Variants in NFU1 observed in about 807,000 individuals in gnomAD.
NFU1 encodes the protein NFU1 iron-sulfur cluster scaffold.
In NFU1, 30 loss-of-function variants were observed where a neutral mutation model predicts 32.2. The ratio of observed to expected loss-of-function variants is 0.93; its 90% CI spans 0.70 to 1.26. The LOEUF is 1.26. Ranked by LOEUF, NFU1 falls within the 50% of genes most tolerant of loss-of-function variation. The probability of loss-of-function intolerance (pLI) is 0.00; values close to 1 mark genes in which losing one functional copy is unlikely to be tolerated. For synonymous variants in NFU1, 112 were observed against 104.6 expected, an observed-to-expected ratio of 1.07 and a Z score of -0.43; for missense variants, 306 against 306.6, an observed-to-expected ratio of 1.00 and a Z score of 0.02.
chr2:69,439,282 G>A (rs766745120), upstream of NFU1, among the ~76,000 whole-genome samples: 4 of 152,044 alleles, frequency 2.6e-5, no homozygotes, highest in Non-Finnish European at 5.9e-5. Context: ...TCTTGGTCTC[G>A]CTAACTTCAA....
intron 1 of NFU1, among the ~76,000 whole-genome samples, chr2:69,435,206 ATAAAC>A (rs1280828977): frequency 3.3e-5 from 5 of 152,232 alleles, no homozygotes; most frequent in Admixed American, 6.5e-5. Context: ...CATTTAAACT[ATAAAC>A]TAAATGTCTC....
At chr2:69,439,089 A>G (rs1673961871), upstream of NFU1, among the ~76,000 whole-genome samples, 1 of 151,710 alleles carries the variant, frequency 6.6e-6, no homozygotes, top group South Asian at 2.1e-4. Flanking sequence ...ATCCTCTTCC[A>G]CACTCTTTTC....
intron 2 of NFU1, among the ~76,000 whole-genome samples, chr2:69,429,297 C>T (rs1393959460): frequency 6.6e-6 from 1 of 152,182 alleles, no homozygotes; most frequent in Non-Finnish European, 1.5e-5. Context: ...GGTGCATCAG[C>T]TCACACCTAT....
intron 7 of NFU1, among the ~76,000 whole-genome samples, chr2:69,399,930 T>C (rs561170035): frequency 2.8e-4 from 42 of 152,012 alleles, no homozygotes; most frequent in African/African-American, 1.0e-3. Context: ...TGGAGTGCAA[T>C]GGCGCGATCT....
chr2:69,427,679 CAAAAAA>C (rs35639734), intron 2 of NFU1, among the ~76,000 whole-genome samples: 5 of 61,694 alleles, frequency 8.1e-5, no homozygotes, highest in African/African-American at 2.4e-4. Context: ...CACTCAGTCT[CAAAAAA>C]AAAAAAAAAA....
intron 5 of NFU1, among the ~76,000 whole-genome samples, chr2:69,407,528 T>G (rs530347329): frequency 6.7e-6 from 1 of 150,212 alleles, no homozygotes; most frequent in African/African-American, 2.5e-5. Context: ...AATACAAAAA[T>G]TAGCCGGGTG....
intron 2 of NFU1, among the ~76,000 whole-genome samples, chr2:69,431,154 C>CT (rs34577445): frequency 1.3e-5 from 2 of 151,780 alleles, no homozygotes; most frequent in South Asian, 2.1e-4. Context: ...GCTTTTCTTT[C>CT]TTTTTTTTGA....
At chr2:69,438,145 A>C (rs1020335276), upstream of NFU1, among the ~76,000 whole-genome samples, 1 of 152,178 alleles carries the variant, frequency 6.6e-6, no homozygotes, top group African/African-American at 2.4e-5. Flanking sequence ...GCAGGAGAAC[A>C]CGTTAGAAAT....
chr2:69,399,857 A>G (rs1233583635), intron 7 of NFU1, among the ~76,000 whole-genome samples: 2 of 149,118 alleles, frequency 1.3e-5, no homozygotes, highest in Non-Finnish European at 1.5e-5. Flanking sequence ...GTAGGTTCTC[A>G]TAACACTAAA....
At chr2:69,436,029 C>A (rs1036533997) in intron 1 of NFU1, among the ~76,000 whole-genome samples, 1 of 152,040 alleles carries the variant, frequency 6.6e-6, no homozygotes, top group Admixed American at 6.6e-5. Context: ...CAGGCGTGAG[C>A]CACCACGCCC....
Position 69,419,619 on chromosome 2 carries a change from AAAAT to A in NFU1, c.303-19_303-16del. On this transcript the variant is annotated splice_polypyrimidine_tract_variant and intron_variant, in intron 3 of 7. Transcript: ENST00000410022. Reference sequence around the variant, plus strand: ...TAAATAACTGCCTGCAAAAAAAGAAAAAATAAGAGATATTAAAATGCTTGATTAT... The same window carrying A: ...TAAATAACTGCCTGCAAAAAAAGAAAAAGAGATATTAAAATGCTTGATTAT... The A allele has an allele frequency of 4.1e-6, 6 of 1,454,618 alleles. No homozygotes were observed. The highest frequency in any genetic ancestry group is 5.8e-6 in the Non-Finnish European group (6 of 1,040,828). The allele number at this position is 1,454,618 out of a possible 1,614,324, so 90.1% of individuals were successfully genotyped here. A position where few individuals can be genotyped will look rare whatever the true frequency, so the allele number is the denominator to read the frequency against.
At chr2:69,419,655 G>A (rs1673177301) in intron 3 of NFU1, 51 bp from the exon 4 acceptor site, 1 of 1,081,404 alleles carries the variant, frequency 9.2e-7, no homozygotes, top group East Asian at 2.4e-5. Flanking sequence ...TTATGGAAAA[G>A]TTTAAACATA....
intron 2 of NFU1, among the ~76,000 whole-genome samples, chr2:69,428,897 T>G (rs1409811876): frequency 6.6e-6 from 1 of 152,236 alleles, no homozygotes; most frequent in Non-Finnish European, 1.5e-5. Flanking sequence ...TTTTTGTACT[T>G]TGCCATGCAG....
chr2:69,437,256 A>G (rs1198323332), intron 1 of NFU1, 105 bp downstream of exon 1: 55 of 1,513,412 alleles, frequency 3.6e-5, no homozygotes, highest in Middle Eastern at 1.7e-4. Context: ...CGGCTCCATC[A>G]GATGCACTAC....
At chr2:69,401,912 G>C (rs913416587) in intron 6 of NFU1, among the ~76,000 whole-genome samples, 2 of 138,026 alleles carry the variant, frequency 1.4e-5, no homozygotes. Flanking sequence ...TTTTTTTTTG[G>C]AGACAGAGTC....
intron 6 of NFU1, among the ~76,000 whole-genome samples, chr2:69,404,899 C>T (rs925585816): frequency 6.6e-6 from 1 of 151,496 alleles, no homozygotes; most frequent in Non-Finnish European, 1.5e-5. Context: ...GGATTACAAG[C>T]GTGAGCCACC....
chr2:69,409,759 C>T (rs1163978749), intron 5 of NFU1, among the ~76,000 whole-genome samples: 2 of 152,098 alleles, frequency 1.3e-5, no homozygotes, highest in Non-Finnish European at 2.9e-5. Context: ...AGAGTAAGAA[C>T]TCACTCCCCT....
chr2:69,438,494 T>A (rs767934468), upstream of NFU1, among the ~76,000 whole-genome samples: 1 of 152,140 alleles, frequency 6.6e-6, no homozygotes, highest in Non-Finnish European at 1.5e-5. Flanking sequence ...TCTTGAACTC[T>A]GCTGGCCTCA....
chr2:69,413,480 G>A (rs570274753), intron 5 of NFU1, among the ~76,000 whole-genome samples: 4 of 152,052 alleles, frequency 2.6e-5, no homozygotes, highest in Non-Finnish European at 4.4e-5. Flanking sequence ...AGAAGCTCTC[G>A]GCCAGGCAGG....
Sources: gnomAD v4.1 joint callset for allele counts (sites outside exome capture counted in the v4.1 genomes callset) on GRCh38, gnomAD v4.1.1 for gene constraint, MANE v1.5 for transcripts, NCBI Gene and HGNC (gene_info 2026-07-23, HGNC 2026-07-21) for gene names.